ADGRL3: variants seen among roughly 807,000 people sequenced by gnomAD.
The protein encoded by ADGRL3 is calcium-independent alpha-latrotoxin receptor 3.
A neutral mutation model predicts 153.5 loss-of-function variants in ADGRL3; 62 were observed. The ratio of observed to expected loss-of-function variants is 0.40; its 90% confidence interval spans 0.33 to 0.50. ADGRL3 has a LOEUF of 0.50. ADGRL3 is among the 20% of genes least tolerant of loss of function. The probability of loss-of-function intolerance (pLI) is 0.47; values close to 1 mark genes in which losing one functional copy is unlikely to be tolerated. For synonymous variants in ADGRL3, 710 were observed against 672.5 expected (o/e 1.06, Z -0.86); for missense variants, 1,641 against 1,859.4 (o/e 0.88, Z 2.16).
chr4:61,629,661 G>A (rs1410150203), intron 5 of ADGRL3, among the ~76,000 whole-genome samples: 2 of 129,624 alleles, frequency 1.5e-5, no homozygotes, highest in Non-Finnish European at 3.1e-5. Flanking sequence ...AGTTTGCAGT[G>A]AGCTAAGATC....
At chr4:61,280,490 T>C (rs924235643) in intron 1 of ADGRL3, among the ~76,000 whole-genome samples, 1 of 152,158 alleles carries the variant, frequency 6.6e-6, no homozygotes, top group African/African-American at 2.4e-5. Context: ...ACACCTAGTA[T>C]ACTAGATTAC....
At chr4:61,625,322 T>G (rs2092767172) in intron 5 of ADGRL3, among the ~76,000 whole-genome samples, 1 of 152,182 alleles carries the variant, frequency 6.6e-6, no homozygotes, top group South Asian at 2.1e-4. Flanking sequence ...GTCATAAACA[T>G]AATTGGTAGT....
intron 1 of ADGRL3, among the ~76,000 whole-genome samples, chr4:61,214,354 AC>A (rs1361689445): frequency 2.0e-5 from 3 of 152,130 alleles, no homozygotes; most frequent in Non-Finnish European, 4.4e-5. Context: ...TCTTGAACGG[AC>A]CTCGTATCTC....
At position 61,446,197 on chromosome 4, in the gene ADGRL3, C is replaced by T. The variant is rs180790574; in HGVS notation, c.-173-50924C>T. On this transcript the variant is annotated intron_variant, in intron 2 of 26. Coordinates refer to ENST00000683033, the MANE Select transcript of ADGRL3 (RefSeq NM_001387552.1). Reference sequence around the variant, plus strand: ...ATATCTCTCACTTGCTCTCCTTCTCCCTCTTTCACTTTCTTTTGTAAGTGG... The same window carrying T: ...ATATCTCTCACTTGCTCTCCTTCTCTCTCTTTCACTTTCTTTTGTAAGTGG... Among the ~76,000 whole-genome samples, 107 of 152,218 alleles carry T rather than the reference C, an allele frequency of 7.0e-4. 1 individual carries two copies. The highest frequency in any genetic ancestry group is 1.3e-3 in the Non-Finnish European group (91 of 68,020).
intron 9 of ADGRL3, among the ~76,000 whole-genome samples, chr4:61,878,208 G>A (rs2098487095): frequency 6.6e-6 from 1 of 152,098 alleles, no homozygotes; most frequent in Non-Finnish European, 1.5e-5. Flanking sequence ...TAAGATTAGG[G>A]ACCAACCATG....
At chr4:61,529,712 A>G (rs1486310970) in intron 4 of ADGRL3, among the ~76,000 whole-genome samples, 1 of 152,036 alleles carries the variant, frequency 6.6e-6, no homozygotes, top group Non-Finnish European at 1.5e-5. Context: ...TCATAAGACT[A>G]TTCAAGACCA....
chr4:61,401,056 A>G (rs1209655097), intron 2 of ADGRL3, among the ~76,000 whole-genome samples: 1 of 151,556 alleles, frequency 6.6e-6, no homozygotes, highest in Non-Finnish European at 1.5e-5. Flanking sequence ...TTTATGTGGA[A>G]GGAAGATTCT....
intron 1 of ADGRL3, among the ~76,000 whole-genome samples, chr4:61,221,534 A>G (rs762365037): frequency 3.9e-5 from 6 of 152,312 alleles, no homozygotes; most frequent in African/African-American, 1.2e-4. Flanking sequence ...TTGAAAGGAC[A>G]TAAAAACCCT....
chr4:61,798,299 C>T (rs1010485538), intron 8 of ADGRL3, among the ~76,000 whole-genome samples: 2 of 152,138 alleles, frequency 1.3e-5, no homozygotes, highest in Non-Finnish European at 2.9e-5. Flanking sequence ...TAGTATGTGA[C>T]TATTGCTTAT....
chr4:61,784,289 C>G (rs2097251785), intron 8 of ADGRL3, among the ~76,000 whole-genome samples: 1 of 152,134 alleles, frequency 6.6e-6, no homozygotes, highest in Non-Finnish European at 1.5e-5. Flanking sequence ...TGAAATCTAA[C>G]ACAGCTAAAT....
intron 2 of ADGRL3, among the ~76,000 whole-genome samples, chr4:61,411,298 T>A (rs1219893593): frequency 6.6e-6 from 1 of 152,200 alleles, no homozygotes; most frequent in Non-Finnish European, 1.5e-5. Context: ...TTATGAAGAA[T>A]ATAGGACAGT....
rs559522301 is a variant in ADGRL3 at position 61,749,088 on chromosome 4, T to A, written c.1399+15534T>A. 6.3e-3 allele frequency among the ~76,000 whole-genome samples: 949 copies of A among 150,740 alleles called. 18 individuals are homozygous for A. Among genetic ancestry groups the A allele is most frequent in the African/African-American group, 0.022 (870 of 40,212 alleles). On this transcript the variant is annotated intron_variant, in intron 8 of 26. Transcript: ENST00000683033. ...ACTTCTCAAAAGAAGACATTTATGC[T>A]GCCAAAAAACACATGAAAAAATGCT...
rs2096461641 is a variant in ADGRL3 at position 61,732,717 on chromosome 4, A to G, written c.599-37A>G. On this transcript the variant is annotated intron_variant, in intron 7 of 26. Coordinates refer to ENST00000683033, the MANE Select transcript of ADGRL3 (RefSeq NM_001387552.1). ...GACTATATAACAAAATATGAAATTA[A>G]TATATTTATTTATTTTAACTGTTTC... The G allele has an allele frequency of 4.3e-6, 5 of 1,162,670 alleles. No homozygotes were observed. The South Asian group carries it at 8.7e-5, about 20-fold the overall frequency. 72.0% of individuals were successfully genotyped at this position (1,162,670 alleles called of 1,614,324 possible). A position where few individuals can be genotyped will look rare whatever the true frequency, so the allele number is the denominator to read the frequency against.
intron 9 of ADGRL3, among the ~76,000 whole-genome samples, chr4:61,817,149 A>ACCCC (rs34121977): frequency 4.8e-5 from 5 of 104,706 alleles, no homozygotes; most frequent in Non-Finnish European, 6.1e-5. Context: ...AGGTCTGCAG[A>ACCCC]CCCCCCCCCC....
At chr4:61,270,517 G>T (rs6842278) in intron 1 of ADGRL3, among the ~76,000 whole-genome samples, 1 of 151,680 alleles carries the variant, frequency 6.6e-6, no homozygotes, top group Non-Finnish European at 1.5e-5. Context: ...TATCTGTCTA[G>T]TCAAAAAAGG....
At chr4:62,032,822 C>T (rs1418619618) in intron 23 of ADGRL3, among the ~76,000 whole-genome samples, 1 of 151,026 alleles carries the variant, frequency 6.6e-6, no homozygotes, top group Non-Finnish European at 1.5e-5. Flanking sequence ...TTGACATGAT[C>T]GCAAATACAG....
chr4:61,376,332 G>A (rs1213411537), intron 1 of ADGRL3, among the ~76,000 whole-genome samples: 1 of 150,516 alleles, frequency 6.6e-6, no homozygotes, highest in Non-Finnish European at 1.5e-5. Flanking sequence ...CTTGTCATGT[G>A]TAATTATAGT....
At chr4:61,688,635 G>A (rs1384737423) in intron 6 of ADGRL3, among the ~76,000 whole-genome samples, 1 of 152,094 alleles carries the variant, frequency 6.6e-6, no homozygotes, top group African/African-American at 2.4e-5. Context: ...GATAATCAGT[G>A]CTATCAGGCA....
At chr4:61,666,448 C>A (rs1306899152) in intron 5 of ADGRL3, among the ~76,000 whole-genome samples, 1 of 151,006 alleles carries the variant, frequency 6.6e-6, no homozygotes, top group Admixed American at 6.6e-5. Context: ...TTGTCTCAGC[C>A]CAGTCATGCG....
Sources: gnomAD v4.1 joint callset for allele counts (sites outside exome capture counted in the v4.1 genomes callset) on GRCh38, gnomAD v4.1.1 for gene constraint, MANE v1.5 for transcripts, NCBI Gene and HGNC (gene_info 2026-07-23, HGNC 2026-07-21) for gene names.